Variants in KMT2C observed in about 807,000 individuals in gnomAD.
KMT2C encodes lysine methyltransferase 2C.
Under a neutral mutation model 507.9 loss-of-function variants are expected in KMT2C, and 88 were observed. The observed-to-expected ratio is 0.17, with a 90% CI of 0.15 to 0.21. The LOEUF is 0.21. Ranked by LOEUF, KMT2C falls within the 10% of genes least tolerant of loss-of-function variation. The probability of loss-of-function intolerance (pLI) is 1.00; values close to 1 mark genes in which losing one functional copy is unlikely to be tolerated. For missense variants in KMT2C, 4,954 were observed against 5,957.8 expected, an observed-to-expected ratio of 0.83 and a Z score of 5.55; for synonymous variants, 2,049 against 2,080.8, an observed-to-expected ratio of 0.98 and a Z score of 0.42.
chr7:152,275,758 T>C (rs1246822425), intron 6 of KMT2C, among the ~76,000 whole-genome samples: 5 of 152,232 alleles, frequency 3.3e-5, no homozygotes, highest in African/African-American at 9.6e-5. Flanking sequence ...ACCACGTAAA[T>C]GTCGAAAGGA....
At chr7:152,235,057 T>C (rs2095237264) in intron 16 of KMT2C, among the ~76,000 whole-genome samples, 1 of 152,096 alleles carries the variant, frequency 6.6e-6, no homozygotes, top group South Asian at 2.1e-4. Context: ...TTCTGTATGA[T>C]TCCACTTATA....
intron 9 of KMT2C, among the ~76,000 whole-genome samples, 182 bp downstream of exon 9, chr7:152,262,834 G>T (rs10233185): frequency 0.012 from 1,900 of 152,218 alleles, 38 homozygotes; most frequent in African/African-American, 0.044. Context: ...ACTTTTGAGG[G>T]TGATGACTAT....
intron 1 of KMT2C, among the ~76,000 whole-genome samples, chr7:152,358,954 CCTT>C (rs78630626): frequency 0.01 from 1,553 of 152,126 alleles, 20 homozygotes; most frequent in South Asian, 0.024. Context: ...TGGTTTTGCC[CCTT>C]TTTTAGGTAA....
intron 1 of KMT2C, among the ~76,000 whole-genome samples, chr7:152,377,910 G>A (rs1000429783): frequency 6.6e-6 from 1 of 152,164 alleles, no homozygotes; most frequent in Non-Finnish European, 1.5e-5. Context: ...AACTCTCATG[G>A]ATAACTTTGA....
chr7:152,175,409 G>A (rs1177431966), intron 38 of KMT2C, among the ~76,000 whole-genome samples: 1 of 151,844 alleles, frequency 6.6e-6, no homozygotes, highest in Non-Finnish European at 1.5e-5. Flanking sequence ...ATGGTGGTTT[G>A]CTGCACCCAT....
At chr7:152,326,677 G>A (rs756594824) in intron 3 of KMT2C, among the ~76,000 whole-genome samples, 14 of 151,988 alleles carry the variant, frequency 9.2e-5, no homozygotes, top group Non-Finnish European at 1.5e-4. Context: ...TCAGGAGATC[G>A]AGACCATCCT....
chr7:152,432,180 A>C (rs375652824), intron 1 of KMT2C, among the ~76,000 whole-genome samples: 67 of 152,308 alleles, frequency 4.4e-4, no homozygotes, highest in African/African-American at 1.6e-3. Flanking sequence ...GAAATCCTAT[A>C]CCTACCACCT....
At chr7:152,208,319 C>T (rs1241808674) in intron 23 of KMT2C, among the ~76,000 whole-genome samples, 1 of 152,216 alleles carries the variant, frequency 6.6e-6, no homozygotes, top group Non-Finnish European at 1.5e-5. Flanking sequence ...TTTCTGCCTT[C>T]TACCTAACTT....
chr7:152,297,057 G>GAC (rs756980169), intron 6 of KMT2C, among the ~76,000 whole-genome samples: 7,953 of 90,148 alleles, frequency 0.088, 547 homozygotes, highest in African/African-American at 0.2. Flanking sequence ...AAGAAAGACA[G>GAC]AGAGAGAGAG....
At chr7:152,428,259 T>C (rs1452075046) in intron 1 of KMT2C, among the ~76,000 whole-genome samples, 1 of 151,990 alleles carries the variant, frequency 6.6e-6, no homozygotes, top group Non-Finnish European at 1.5e-5. Flanking sequence ...CTACAAAGTA[T>C]AGGCGCAAAT....
chr7:152,239,422 C>G (rs1291596920), intron 14 of KMT2C, among the ~76,000 whole-genome samples: 1 of 152,100 alleles, frequency 6.6e-6, no homozygotes, highest in African/African-American at 2.4e-5. Flanking sequence ...CTTCAGTGAC[C>G]ATTAGTTGTC....
chr7:152,217,903 T>C (rs2094627413), intron 23 of KMT2C, among the ~76,000 whole-genome samples: 2 of 152,300 alleles, frequency 1.3e-5, no homozygotes, highest in African/African-American at 4.8e-5. Context: ...TTCCCAAATT[T>C]AAGAGACTAT....
At chr7:152,203,156 C>G (rs1265218397) in intron 25 of KMT2C, 92 bp from the exon 26 acceptor site, 1 of 956,920 alleles carries the variant, frequency 1.0e-6, no homozygotes, top group South Asian at 2.2e-5. Flanking sequence ...AACATACACA[C>G]AGTTTCATAT....
intron 2 of KMT2C, among the ~76,000 whole-genome samples, chr7:152,340,575 CACTAA>C (rs1162812198): frequency 6.6e-6 from 1 of 152,082 alleles, no homozygotes; most frequent in Non-Finnish European, 1.5e-5. Flanking sequence ...TATCTTTATT[CACTAA>C]ACTACTTAAA....
chr7:152,159,700 C>A (rs2092331199), intron 43 of KMT2C, among the ~76,000 whole-genome samples: 1 of 152,124 alleles, frequency 6.6e-6, no homozygotes, highest in Non-Finnish European at 1.5e-5. Context: ...TAAACCTTTT[C>A]TTTATTTTTA....
intron 23 of KMT2C, among the ~76,000 whole-genome samples, chr7:152,214,455 T>C (rs549046215): frequency 1.3e-5 from 2 of 152,148 alleles, no homozygotes; most frequent in Non-Finnish European, 2.9e-5. Flanking sequence ...TTAAGCTAAA[T>C]GAACATACAG....
chr7:152,409,563 C>T (rs921112862), intron 1 of KMT2C, among the ~76,000 whole-genome samples: 2 of 98,762 alleles, frequency 2.0e-5, no homozygotes, highest in African/African-American at 6.9e-5. Context: ...GCTAAAAATA[C>T]AAAAAAAAAA....
At chr7:152,345,121 A>C (rs960851741) in intron 2 of KMT2C, among the ~76,000 whole-genome samples, 1 of 151,562 alleles carries the variant, frequency 6.6e-6, no homozygotes, top group African/African-American at 2.4e-5. Flanking sequence ...ATTCCATTAT[A>C]TCAACAATCA....
chr7:152,360,072 G>GA (rs2097183651), intron 1 of KMT2C, among the ~76,000 whole-genome samples: 1 of 59,374 alleles, frequency 1.7e-5, no homozygotes, highest in Non-Finnish European at 2.6e-5. Flanking sequence ...AAAAAGGGGG[G>GA]TGGGGGGGGG....
Sources: allele counts gnomAD v4.1 joint callset (sites outside exome capture counted in the v4.1 genomes callset), GRCh38; gene constraint gnomAD v4.1.1; transcripts MANE v1.5; gene names NCBI Gene and HGNC (gene_info 2026-07-23, HGNC 2026-07-21).